The following LYRM4 variants were observed in gnomAD, a reference collection of about 807,000 sequenced individuals.
LYRM4 encodes LYR motif-containing protein 4.
A neutral mutation model predicts 11.7 loss-of-function variants in LYRM4; 9 were observed. That is an observed-to-expected ratio of 0.77 (90% CI 0.46 to 1.34). The LOEUF is 1.34. Ranked by LOEUF, LYRM4 falls within the 40% of genes most tolerant of loss-of-function variation. The pLI is 0.00. For missense variants in LYRM4, 133 were observed against 112.5 expected, an observed-to-expected ratio of 1.18 and a Z score of -0.82; for synonymous variants, 42 against 40.4, an observed-to-expected ratio of 1.04 and a Z score of -0.15.
intron 2 of LYRM4, among the ~76,000 whole-genome samples, chr6:5,158,084 A>G (rs959665453): frequency 6.6e-6 from 1 of 152,258 alleles, no homozygotes; most frequent in Non-Finnish European, 1.5e-5. Context: ...AAAGAAAAAA[A>G]GGAAGAAAAA....
chr6:5,245,113 A>AAAAAAT (rs70974183), intron 1 of LYRM4, among the ~76,000 whole-genome samples: 1 of 24,140 alleles, frequency 4.1e-5, no homozygotes, highest in Non-Finnish European at 6.6e-5. Context: ...AAAAAAAAAA[A>AAAAAAT]ATATATATAT....
At chr6:5,113,570 G>A (rs17139445) in intron 2 of LYRM4, among the ~76,000 whole-genome samples, 3,832 of 152,296 alleles carry the variant, frequency 0.025, 52 homozygotes, top group Middle Eastern at 0.078. Flanking sequence ...GATGCTGTAA[G>A]AATCACTGCC....
intron 2 of LYRM4, among the ~76,000 whole-genome samples, chr6:5,112,077 G>C (rs1459585830): frequency 6.6e-6 from 1 of 152,142 alleles, no homozygotes; most frequent in East Asian, 1.9e-4. Context: ...TAGCAGGAGG[G>C]GTGACTGGCT....
chr6:5,253,130 A>G (rs925793226), intron 1 of LYRM4, among the ~76,000 whole-genome samples: 2 of 152,242 alleles, frequency 1.3e-5, no homozygotes, highest in Admixed American at 6.5e-5. Flanking sequence ...TGCTTAGTGT[A>G]TAACACATTA....
intron 2 of LYRM4, among the ~76,000 whole-genome samples, chr6:5,191,566 A>T (rs1346713702): frequency 6.6e-6 from 1 of 152,174 alleles, no homozygotes; most frequent in Non-Finnish European, 1.5e-5. Context: ...ACCTGTCTGT[A>T]ATTTAGGACT....
chr6:5,229,274 A>T (rs928791403), intron 1 of LYRM4, among the ~76,000 whole-genome samples: 4 of 152,154 alleles, frequency 2.6e-5, no homozygotes, highest in African/African-American at 7.2e-5. Context: ...CTTTGGAAAC[A>T]GTGTGGGCAG....
intron 1 of LYRM4, among the ~76,000 whole-genome samples, chr6:5,223,194 A>G (rs1762685984): frequency 6.6e-6 from 1 of 152,242 alleles, no homozygotes; most frequent in Admixed American, 6.5e-5. Context: ...ACATCCTCAG[A>G]TACCTATTTT....
intron 2 of LYRM4, among the ~76,000 whole-genome samples, chr6:5,190,665 C>G (rs1429378301): frequency 1.3e-5 from 2 of 152,014 alleles, no homozygotes; most frequent in Non-Finnish European, 2.9e-5. Context: ...TTCCTATCAT[C>G]TAGTAACTCT....
intron 2 of LYRM4, among the ~76,000 whole-genome samples, chr6:5,122,176 T>C (rs1763487076): frequency 6.6e-6 from 1 of 152,210 alleles, no homozygotes; most frequent in African/African-American, 2.4e-5. Flanking sequence ...GACTTAAAGA[T>C]GGACGGCCTC....
chr6:5,139,034 C>G (rs1337817989), intron 2 of LYRM4, among the ~76,000 whole-genome samples: 1 of 152,218 alleles, frequency 6.6e-6, no homozygotes, highest in East Asian at 1.9e-4. Context: ...TGAGTACCTA[C>G]TATGTTCTAG....
At chr6:5,201,422 G>A (rs1761388605) in intron 2 of LYRM4, among the ~76,000 whole-genome samples, 1 of 152,172 alleles carries the variant, frequency 6.6e-6, no homozygotes, top group African/African-American at 2.4e-5. Context: ...ACTGGCAAGG[G>A]GTAAAGGGGT....
At chr6:5,086,785 A>G in the LYRM4 span, 6 of 566,616 alleles carry the variant, frequency 1.1e-5, no homozygotes, top group African/African-American at 1.1e-4. Flanking sequence ...CTCTGACCTC[A>G]GTCTTCTCGT....
intron 1 of LYRM4, 23 bp downstream of exon 1, chr6:5,260,625 G>GCC: frequency 1.0e-6 from 1 of 983,698 alleles, no homozygotes; most frequent in Non-Finnish European, 1.5e-6. Flanking sequence ...CCCGCCCCCG[G>GCC]CCCCCGGTGC....
In LYRM4 at chr6:5,118,095, T is replaced by TATATTTTTG. The variant is rs34304149; in HGVS notation, c.208-8605_208-8604insCAAAAATAT. 6.1e-4 allele frequency among the ~76,000 whole-genome samples: 59 copies of TATATTTTTG among 96,878 alleles called. 1 individual carries two copies. The highest frequency in any genetic ancestry group is 8.5e-4 in the African/African-American group (21 of 24,816). The allele number at this position is 96,878 out of a possible 152,430, so 63.6% of individuals were successfully genotyped here. On this transcript the variant is annotated intron_variant, in intron 2 of 2. Transcript: ENST00000330636. ...CACCAAAACAATATATATATATATA[T>TATATTTTTG]TTTTGTTTTGTTTTGTTTTGTTTTT...
intron 2 of LYRM4, among the ~76,000 whole-genome samples, chr6:5,193,643 T>C (rs776710340): frequency 6.6e-6 from 1 of 152,214 alleles, no homozygotes; most frequent in Non-Finnish European, 1.5e-5. Flanking sequence ...TGTTCTCTAA[T>C]TAACCAACAA....
chr6:5,179,065 C>CAAAAAAAAAAAAAAA (rs58749743), intron 2 of LYRM4, among the ~76,000 whole-genome samples: 5 of 103,900 alleles, frequency 4.8e-5, no homozygotes, highest in Non-Finnish European at 7.8e-5. Context: ...ACCAAAAAAA[C>CAAAAAAAAAAAAAAA]AAAAAAAAAA....
At chr6:5,068,212 T>C in the LYRM4 span, among the ~76,000 whole-genome samples, 1 of 152,176 alleles carries the variant, frequency 6.6e-6, no homozygotes, top group South Asian at 2.1e-4. This position sits in a 1 kb window ranked among gnomAD's most constrained non-coding sequence, Gnocchi z 4.0. Context: ...ACCGTCACAC[T>C]GTATGAGGTC....
intron 2 of LYRM4, among the ~76,000 whole-genome samples, chr6:5,152,239 G>T (rs938248610): frequency 2.0e-5 from 3 of 152,166 alleles, no homozygotes; most frequent in Admixed American, 6.5e-5. Flanking sequence ...GAGAGCGGCA[G>T]ACTCAGCTCT....
chr6:5,079,466 T>C, the LYRM4 span, among the ~76,000 whole-genome samples: 3 of 152,242 alleles, frequency 2.0e-5, no homozygotes, highest in Admixed American at 6.5e-5. Context: ...TCTCAATTGC[T>C]TCCAGCTCAA....
Sources: allele counts gnomAD v4.1 joint callset (sites outside exome capture counted in the v4.1 genomes callset), GRCh38; gene constraint gnomAD v4.1.1; non-coding constraint Gnocchi (gnomAD v3.1); transcripts MANE v1.5; gene names NCBI Gene and HGNC (gene_info 2026-07-23, HGNC 2026-07-21).